The following DPH6 variants were observed in gnomAD, a reference collection of about 807,000 sequenced individuals.
The protein encoded by DPH6 is diphthine--ammonia ligase.
In DPH6, 33 loss-of-function variants were observed where a neutral mutation model predicts 38.2. That is an observed-to-expected ratio of 0.86 (90% CI 0.65 to 1.15). DPH6 has a LOEUF of 1.15. Ranked by LOEUF, DPH6 falls within the 50% of genes most tolerant of loss-of-function variation. The pLI is 0.00. For missense variants in DPH6, 325 were observed against 320.0 expected, an observed-to-expected ratio of 1.02 and a Z score of -0.12; for synonymous variants, 108 against 103.0, an observed-to-expected ratio of 1.05 and a Z score of -0.30.
intron 5 of DPH6, among the ~76,000 whole-genome samples, chr15:35,426,918 G>T (rs1264172869): frequency 6.7e-6 from 1 of 148,716 alleles, no homozygotes; most frequent in East Asian, 2.0e-4. Context: ...TTATGAACAC[G>T]TTGAAAATAT....
chr15:35,476,623 A>G (rs528181992), intron 3 of DPH6, among the ~76,000 whole-genome samples: 2 of 151,786 alleles, frequency 1.3e-5, no homozygotes, highest in African/African-American at 4.8e-5. Context: ...AATGTACAGA[A>G]GAAAAAAAAT....
At chr15:35,427,208 G>GAAAC (rs2053580724) in intron 5 of DPH6, among the ~76,000 whole-genome samples, 1 of 151,738 alleles carries the variant, frequency 6.6e-6, no homozygotes, top group African/African-American at 2.4e-5. Flanking sequence ...GGAGAGTGAG[G>GAAAC]AAACGACTAT....
chr15:35,536,592 G>A (rs1471943701), intron 3 of DPH6, among the ~76,000 whole-genome samples: 2 of 151,844 alleles, frequency 1.3e-5, no homozygotes, highest in African/African-American at 4.8e-5. Flanking sequence ...ATTATTAATT[G>A]TAATTTATTA....
chr15:35,158,337 G>A, the DPH6 span, among the ~76,000 whole-genome samples: 1 of 152,072 alleles, frequency 6.6e-6, no homozygotes, highest in African/African-American at 2.4e-5. Context: ...TTGCATTGCT[G>A]TCTTCATCAA....
intron 3 of DPH6, among the ~76,000 whole-genome samples, chr15:35,256,530 T>C (rs1253084448): frequency 6.6e-6 from 1 of 152,248 alleles, no homozygotes; most frequent in Non-Finnish European, 1.5e-5. Flanking sequence ...AATATAATTT[T>C]TTTTCTTTTT....
chr15:35,507,519 A>G (rs2054710438), intron 3 of DPH6, among the ~76,000 whole-genome samples: 2 of 152,076 alleles, frequency 1.3e-5, no homozygotes, highest in Non-Finnish European at 2.9e-5. Flanking sequence ...AATATTTCCA[A>G]TAACAGTGAA....
chr15:35,311,934 A>G (rs2052145016), intron 3 of DPH6, among the ~76,000 whole-genome samples: 2 of 151,500 alleles, frequency 1.3e-5, no homozygotes, highest in Admixed American at 1.3e-4. Flanking sequence ...CCAACGCTAA[A>G]TTTTATAATC....
At chr15:35,534,853 T>G (rs2055144547) in intron 3 of DPH6, among the ~76,000 whole-genome samples, 1 of 152,162 alleles carries the variant, frequency 6.6e-6, no homozygotes, top group South Asian at 2.1e-4. Context: ...GTCAAAAGAA[T>G]AAAAATGGCT....
intron 5 of DPH6, among the ~76,000 whole-genome samples, chr15:35,412,028 C>A (rs2053373152): frequency 6.6e-6 from 1 of 151,560 alleles, no homozygotes; most frequent in Admixed American, 6.6e-5. Context: ...AATTAAAAAA[C>A]CTCTGCTCTG....
At chr15:35,505,495 T>A (rs537820315) in intron 3 of DPH6, among the ~76,000 whole-genome samples, 1 of 152,106 alleles carries the variant, frequency 6.6e-6, no homozygotes, top group Non-Finnish European at 1.5e-5. Context: ...AACTGTTGAA[T>A]GTCTCATTGA....
chr15:35,241,663 C>G (rs2051600398), intron 3 of DPH6, among the ~76,000 whole-genome samples: 1 of 141,942 alleles, frequency 7.0e-6, no homozygotes, highest in Admixed American at 7.7e-5. Flanking sequence ...CCACCTTAAC[C>G]CACAAGTATA....
intron 1 of DPH6, 90 bp downstream of exon 1, chr15:35,546,029 C>T: frequency 8.5e-7 from 1 of 1,180,500 alleles, no homozygotes; most frequent in South Asian, 2.7e-5. Flanking sequence ...GCGACTCAGA[C>T]GGAGACACCC....
At chr15:35,198,197 T>C in the DPH6 span, among the ~76,000 whole-genome samples, 3 of 152,174 alleles carry the variant, frequency 2.0e-5, no homozygotes, top group African/African-American at 7.2e-5. Flanking sequence ...TATTCATTTT[T>C]TTTCTAAGCT....
exon 4 of DPH6, chr15:35,219,692 G>C (rs975198949): frequency 3.3e-5 from 5 of 152,144 alleles, no homozygotes; most frequent in Non-Finnish European, 1.5e-5. Context: ...AAATAAAACA[G>C]TGCTAAGTCA....
At chr15:35,300,073 C>T (rs2052044646) in intron 3 of DPH6, among the ~76,000 whole-genome samples, 1 of 152,178 alleles carries the variant, frequency 6.6e-6, no homozygotes, top group Non-Finnish European at 1.5e-5. Flanking sequence ...ATGGATTTCA[C>T]AAACACTTGG....
intron 3 of DPH6, among the ~76,000 whole-genome samples, chr15:35,232,757 G>T (rs1019455529): frequency 7.9e-5 from 12 of 152,160 alleles, no homozygotes; most frequent in African/African-American, 2.9e-4. Context: ...TATTTGCCAA[G>T]CATGGGAGGA....
intron 3 of DPH6, among the ~76,000 whole-genome samples, chr15:35,353,318 C>A (rs2052531887): frequency 1.3e-5 from 2 of 152,090 alleles, no homozygotes; most frequent in Non-Finnish European, 2.9e-5. Flanking sequence ...CTTTTGTTGC[C>A]ATTGCTTTTG....
intron 3 of DPH6, among the ~76,000 whole-genome samples, chr15:35,338,500 T>A (rs1595486844): frequency 1.3e-5 from 2 of 152,128 alleles, no homozygotes; most frequent in African/African-American, 4.8e-5. Flanking sequence ...TCACACCAGT[T>A]AGAATGGCAA....
At chr15:35,261,221 C>G (rs924685777) in intron 3 of DPH6, among the ~76,000 whole-genome samples, 11 of 152,184 alleles carry the variant, frequency 7.2e-5, no homozygotes, top group African/African-American at 9.7e-5. Context: ...TGATGCAGTA[C>G]AGCAATACAG....
Sources: gnomAD v4.1 joint callset for allele counts (sites outside exome capture counted in the v4.1 genomes callset) on GRCh38, gnomAD v4.1.1 for gene constraint, MANE v1.5 for transcripts, NCBI Gene and HGNC (gene_info 2026-07-23, HGNC 2026-07-21) for gene names.